Variants in ADGRB3 observed in about 807,000 individuals in gnomAD.
The protein encoded by ADGRB3 is adhesion G protein-coupled receptor B3, also known as brain-specific angiogenesis inhibitor 3.
Under a neutral mutation model 193.4 loss-of-function variants are expected in ADGRB3, and 37 were observed. That is an observed-to-expected ratio of 0.19 (90% confidence interval 0.15 to 0.25). ADGRB3 has a LOEUF of 0.25. Ranked by LOEUF, ADGRB3 falls within the 10% of genes least tolerant of loss-of-function variation. ADGRB3 has a pLI of 1.00. For synonymous variants in ADGRB3, 690 were observed against 644.2 expected, an observed-to-expected ratio of 1.07 and a Z score of -1.08; for missense variants, 1,637 against 1,852.9, an observed-to-expected ratio of 0.88 and a Z score of 2.14.
rs191364564 is a variant in ADGRB3, at chr6:69,233,272, C to G, written c.2481-18C>G. The stretch of plus-strand genomic sequence containing the variant: ...GCGTATTTATCCCGATTTCCTCCCC[C>G]CTCACTCCCCTTTGCAGGAACGAGT... On this transcript the variant is annotated intron_variant, in intron 17 of 31. Coordinates refer to ENST00000370598, the MANE Select transcript of ADGRB3 (RefSeq NM_001704.3). 20 of 1,612,092 alleles carry G rather than the reference C, an allele frequency of 1.2e-5. No individual in the cohort carries two copies. The highest frequency in any genetic ancestry group is 1.7e-5 in the Non-Finnish European group (20 of 1,179,250).
At chr6:69,099,850 C>T (rs1017437351) in intron 17 of ADGRB3, among the ~76,000 whole-genome samples, 6 of 152,088 alleles carry the variant, frequency 3.9e-5, no homozygotes, top group Non-Finnish European at 7.3e-5. Flanking sequence ...ACCAAGTGAG[C>T]CAGGCTTAAT....
intron 3 of ADGRB3, among the ~76,000 whole-genome samples, chr6:68,817,305 ATGTATATATATATATATATATATATATAT>A (rs1767652302): frequency 4.6e-5 from 2 of 43,494 alleles, no homozygotes; most frequent in Non-Finnish European, 8.7e-5. Flanking sequence ...CCTTTTGTCC[ATGTATATATATATATATATATATATATAT>A]ATATATATAT....
intron 26 of ADGRB3, among the ~76,000 whole-genome samples, chr6:69,339,720 A>G (rs1478229869): frequency 6.6e-6 from 1 of 152,220 alleles, no homozygotes; most frequent in Non-Finnish European, 1.5e-5. Context: ...GGACTATGCC[A>G]GGAAAAACAC....
intron 17 of ADGRB3, among the ~76,000 whole-genome samples, chr6:69,218,683 T>C (rs1765826279): frequency 1.3e-5 from 2 of 152,158 alleles, no homozygotes; most frequent in South Asian, 4.1e-4. Context: ...GGAGGCTTTG[T>C]TCTGCAAGTC....
intron 13 of ADGRB3, among the ~76,000 whole-genome samples, chr6:69,030,359 C>A (rs1770605089): frequency 6.6e-6 from 1 of 152,130 alleles, no homozygotes; most frequent in South Asian, 2.1e-4. Flanking sequence ...GACTTGGAAC[C>A]AACCCAAATG....
In ADGRB3 at chr6:68,781,806, C is replaced by T. The variant is rs1248745878; in HGVS notation, c.757+142374C>T. On this transcript the variant is annotated intron_variant, in intron 3 of 31. Transcript: ENST00000370598. ...AAGCTGAGGTACCTTGTTAGATGAGCGCCTCCCACTCACCCAACCTAGCTG... is the reference window on the plus strand; with the variant it reads ...AAGCTGAGGTACCTTGTTAGATGAGTGCCTCCCACTCACCCAACCTAGCTG... 2.6e-5 allele frequency among the ~76,000 whole-genome samples: 4 copies of T among 151,806 alleles called. No homozygotes were observed. In the East Asian group the frequency reaches 5.8e-4, roughly 22 times the overall value.
chr6:68,992,413 T>C (rs1769262440), intron 10 of ADGRB3, among the ~76,000 whole-genome samples: 1 of 152,152 alleles, frequency 6.6e-6, no homozygotes, highest in Non-Finnish European at 1.5e-5. Context: ...CATGTCCTTC[T>C]TATTGGCCAG....
intron 30 of ADGRB3, among the ~76,000 whole-genome samples, chr6:69,375,293 A>G (rs895479545): frequency 1.3e-5 from 2 of 152,108 alleles, no homozygotes; most frequent in African/African-American, 2.4e-5. Context: ...ATGAGGATAG[A>G]TTGTAGCAGG....
intron 17 of ADGRB3, among the ~76,000 whole-genome samples, chr6:69,107,186 G>A (rs369632574): frequency 1.3e-4 from 19 of 148,150 alleles, no homozygotes; most frequent in Non-Finnish European, 2.3e-4. Context: ...CATGGCATGC[G>A]TAAGTGTGAT....
At chr6:69,376,604 G>A (rs1769828762) in intron 30 of ADGRB3, among the ~76,000 whole-genome samples, 1 of 151,964 alleles carries the variant, frequency 6.6e-6, no homozygotes, top group Non-Finnish European at 1.5e-5. Context: ...AGAAGTAAGA[G>A]ATCATTTTAT....
chr6:69,243,970 A>C (rs1766436882), intron 20 of ADGRB3, among the ~76,000 whole-genome samples: 1 of 152,122 alleles, frequency 6.6e-6, no homozygotes, highest in East Asian at 1.9e-4. Context: ...GAGAACAAAG[A>C]GATATTAGCT....
rs1766755918 is a variant in ADGRB3 at position 68,776,787 on chromosome 6, T to C, written c.757+137355T>C. ...TCACAATGAAAAGCTGTAGTCTGTGTCACCTTTGTTTCTAAAGCTATTAAT... is the reference window on the plus strand; with the variant it reads ...TCACAATGAAAAGCTGTAGTCTGTGCCACCTTTGTTTCTAAAGCTATTAAT... On this transcript the variant is annotated intron_variant, in intron 3 of 31. Coordinates refer to ENST00000370598, the MANE Select transcript of ADGRB3 (RefSeq NM_001704.3). Among the ~76,000 whole-genome samples, 3 of 152,202 alleles carry C rather than the reference T, an allele frequency of 2.0e-5. No individual in the cohort carries two copies. In the South Asian group the frequency reaches 6.2e-4, roughly 31 times the overall value.
chr6:69,134,786 G>C (rs887555358), intron 17 of ADGRB3, among the ~76,000 whole-genome samples: 3 of 151,604 alleles, frequency 2.0e-5, no homozygotes, highest in African/African-American at 2.4e-5. Context: ...AAAATAATTG[G>C]AGAATAATTT....
At chr6:69,215,376 A>T (rs572528911) in intron 17 of ADGRB3, among the ~76,000 whole-genome samples, 242 of 152,248 alleles carry the variant, frequency 1.6e-3, no homozygotes, top group African/African-American at 5.7e-3. Context: ...AAGAAAATAT[A>T]TGTTCTAGTT....
intron 20 of ADGRB3, among the ~76,000 whole-genome samples, chr6:69,303,345 GCCTGCCTCT>G (rs1332291089): frequency 7.9e-5 from 12 of 151,818 alleles, no homozygotes; most frequent in East Asian, 5.8e-4. Context: ...CACCGAGTGT[GCCTGCCTCT>G]CCTGCCTCTC....
chr6:68,727,859 C>G (rs1433855917), intron 3 of ADGRB3, among the ~76,000 whole-genome samples: 1 of 151,480 alleles, frequency 6.6e-6, no homozygotes, highest in Non-Finnish European at 1.5e-5. Flanking sequence ...GTGATATAAT[C>G]GTTCTCATCC....
chr6:68,916,452 C>CAA (rs1766882721), intron 3 of ADGRB3, among the ~76,000 whole-genome samples: 1 of 152,076 alleles, frequency 6.6e-6, no homozygotes, highest in Non-Finnish European at 1.5e-5. Context: ...GCTTACCAGG[C>CAA]AAAAGATACA....
At position 68,842,793 on chromosome 6, in the gene ADGRB3, C is replaced by T. The variant is rs576138632; in HGVS notation, c.758-87766C>T. 5.9e-5 allele frequency among the ~76,000 whole-genome samples: 9 copies of T among 151,986 alleles called. No individual in the cohort carries two copies. The South Asian group carries it at 1.5e-3, about 25-fold the overall frequency. ...CAACAAAATACTCGCAAACAATACA[C>T]TCAACAATACATTAGAAAGATCATT... On this transcript the variant is annotated intron_variant, in intron 3 of 31. Coordinates refer to ENST00000370598, the MANE Select transcript of ADGRB3 (RefSeq NM_001704.3).
intron 3 of ADGRB3, among the ~76,000 whole-genome samples, chr6:68,656,672 A>T (rs1006362435): frequency 7.9e-5 from 12 of 151,412 alleles, no homozygotes; most frequent in Non-Finnish European, 1.6e-4. Context: ...TAAGACTCTG[A>T]TATTCTGTTA....
Sources: allele counts gnomAD v4.1 joint callset (sites outside exome capture counted in the v4.1 genomes callset), GRCh38; gene constraint gnomAD v4.1.1; transcripts MANE v1.5; gene names NCBI Gene and HGNC (gene_info 2026-07-23, HGNC 2026-07-21).